Variants in IL36B observed in about 807,000 individuals in gnomAD.
IL36B encodes the protein interleukin-36 beta.
A neutral mutation model predicts 19.3 loss-of-function variants in IL36B; 23 were observed. The ratio of observed to expected loss-of-function variants is 1.19; its 90% CI spans 0.86 to 1.69. The LOEUF (loss-of-function observed/expected upper bound fraction) is 1.69, where lower values mean the gene tolerates loss of function less well. IL36B is among the 40% of genes most tolerant of loss of function. The pLI, the probability that IL36B is intolerant of heterozygous loss-of-function variation, is 0.00. For missense variants in IL36B, 217 were observed against 200.5 expected, an observed-to-expected ratio of 1.08 and a Z score of -0.50; for synonymous variants, 59 against 59.7, an observed-to-expected ratio of 0.99 and a Z score of 0.05.
At chr2:113,034,594 C>T (rs11883847) in intron 1 of IL36B, among the ~76,000 whole-genome samples, 12,484 of 152,162 alleles carry the variant, frequency 0.082, 581 homozygotes, top group African/African-American at 0.095. Flanking sequence ...AGGAATGGTG[C>T]GGACCTCTTA....
intron 1 of IL36B, among the ~76,000 whole-genome samples, chr2:113,042,049 A>G (rs1685267209): frequency 1.3e-5 from 2 of 152,232 alleles, no homozygotes; most frequent in Non-Finnish European, 2.9e-5. Flanking sequence ...GAAAGAGAGC[A>G]GGACTTCACC....
chr2:113,025,810 A>G (rs937253787), intron 5 of IL36B, among the ~76,000 whole-genome samples: 1 of 152,182 alleles, frequency 6.6e-6, no homozygotes, highest in Non-Finnish European at 1.5e-5. Context: ...GCTAGTTGAG[A>G]AAAGAAGTTG....
intron 3 of IL36B, 133 bp downstream of exon 3, chr2:113,030,915 G>A (rs943838814): frequency 4.5e-6 from 3 of 660,882 alleles, no homozygotes; most frequent in South Asian, 1.7e-5. Flanking sequence ...TTTCTCACTT[G>A]ACCTTCCTGT....
chr2:113,037,575 G>C (rs1025648772), intron 1 of IL36B, among the ~76,000 whole-genome samples: 1 of 152,032 alleles, frequency 6.6e-6, no homozygotes, highest in Non-Finnish European at 1.5e-5. Context: ...CTTGAACCCA[G>C]GAGGCGGAGG....
chr2:113,050,477 A>T (rs34466405), intron 1 of IL36B, among the ~76,000 whole-genome samples: 14,157 of 152,162 alleles, frequency 0.093, 802 homozygotes, highest in African/African-American at 0.14. Context: ...ATTGTTTTGT[A>T]GGTACAAAAT....
intron 1 of IL36B, among the ~76,000 whole-genome samples, chr2:113,041,155 ACAC>A: frequency 8.8e-6 from 1 of 113,394 alleles, no homozygotes; most frequent in Admixed American, 9.5e-5. Flanking sequence ...AGACTTTGCC[ACAC>A]ACAAAAAAAA....
At chr2:113,029,873 G>A (rs377507334) in intron 3 of IL36B, among the ~76,000 whole-genome samples, 76 of 152,292 alleles carry the variant, frequency 5.0e-4, no homozygotes, top group African/African-American at 1.8e-3. Flanking sequence ...CAGAGACAAA[G>A]GAGAGTCATA....
intron 1 of IL36B, among the ~76,000 whole-genome samples, chr2:113,035,764 T>C (rs566011168): frequency 1.3e-5 from 2 of 152,272 alleles, no homozygotes; most frequent in South Asian, 2.1e-4. Context: ...CATGGAATAA[T>C]GGCTTCACCC....
chr2:113,033,497 C>T (rs1187112251), intron 1 of IL36B, among the ~76,000 whole-genome samples: 4 of 152,178 alleles, frequency 2.6e-5, no homozygotes, highest in African/African-American at 9.7e-5. Context: ...CCTCGGCCTC[C>T]CAAAGTACTA....
chr2:113,030,290 T>C (rs184850872), intron 3 of IL36B, among the ~76,000 whole-genome samples: 1 of 151,414 alleles, frequency 6.6e-6, no homozygotes, highest in Non-Finnish European at 1.5e-5. Flanking sequence ...ATTACACTAG[T>C]GAGCTAAGGG....
At chr2:113,040,950 G>A (rs1685245580) in intron 1 of IL36B, among the ~76,000 whole-genome samples, 1 of 152,152 alleles carries the variant, frequency 6.6e-6, no homozygotes, top group Non-Finnish European at 1.5e-5. Context: ...GAGCTCAGGA[G>A]TTTGTGACCA....
At chr2:113,022,894 A>G in intron 5 of IL36B, 1 of 659,380 alleles carries the variant, frequency 1.5e-6, no homozygotes. Context: ...AGGAGATTGG[A>G]GTTTGCCTTC....
intron 1 of IL36B, among the ~76,000 whole-genome samples, chr2:113,032,576 G>C (rs571172778): frequency 1.3e-5 from 2 of 152,310 alleles, no homozygotes; most frequent in Admixed American, 1.3e-4. Context: ...CCTTTGACAA[G>C]ACTCCCAGAG....
intron 1 of IL36B, among the ~76,000 whole-genome samples, 160 bp from the exon 2 acceptor site, chr2:113,031,926 C>G (rs1008162132): frequency 6.6e-5 from 10 of 152,288 alleles, no homozygotes; most frequent in African/African-American, 1.4e-4. Context: ...CAGGACATTT[C>G]AAGGCCAGAA....
intron 5 of IL36B, chr2:113,022,804 G>T: frequency 6.9e-7 from 1 of 1,458,440 alleles, no homozygotes; most frequent in Non-Finnish European, 9.6e-7. Flanking sequence ...GTATCTCCTA[G>T]GCTTAGCAAG....
rs183696057 is a variant in IL36B at position 113,031,409 on chromosome 2, G to T, written c.14-254C>A. ...GGCTATTAGTGACTTGTCTTTTTCCGAATGATAAAATGTCTAGGTGGTAAA... is the reference window on the plus strand; with the variant it reads ...GGCTATTAGTGACTTGTCTTTTTCCTAATGATAAAATGTCTAGGTGGTAAA... On this transcript the variant is annotated intron_variant, in intron 2 of 5. Transcript: ENST00000259213. Among the ~76,000 whole-genome samples the T allele has an allele frequency of 7.9e-5, 12 of 151,982 alleles. No homozygotes were observed. In the East Asian group the frequency reaches 9.7e-4, roughly 12 times the overall value.
intron 5 of IL36B, among the ~76,000 whole-genome samples, chr2:113,024,280 G>GA (rs1003982273): frequency 3.3e-5 from 5 of 151,748 alleles, no homozygotes; most frequent in African/African-American, 2.4e-5. Context: ...TCATAGGCTG[G>GA]AAAAAAAAGG....
chr2:113,022,461 T>C lies in IL36B; in HGVS notation c.*213A>G, dbSNP rs572732343. 8 of 465,278 alleles carry C rather than the reference T, an allele frequency of 1.7e-5. No individual in the cohort carries two copies. The highest frequency in any genetic ancestry group is 1.2e-4 in the African/African-American group (6 of 50,228). 28.8% of individuals were successfully genotyped at this position (465,278 alleles called of 1,614,324 possible). A position where few individuals can be genotyped will look rare whatever the true frequency, so the allele number is the denominator to read the frequency against. On this transcript the variant is annotated 3_prime_UTR_variant, in exon 6 of 6. Coordinates refer to ENST00000259213, the MANE Select transcript of IL36B (RefSeq NM_014438.5). Reference sequence around the variant, plus strand: ...GGACAAAACACATTTACAGGTTATGTAGTCCAAATCTACTCCTAAAAAGAC... The same window carrying C: ...GGACAAAACACATTTACAGGTTATGCAGTCCAAATCTACTCCTAAAAAGAC...
At chr2:113,039,537 T>C (rs1558835421) in intron 1 of IL36B, among the ~76,000 whole-genome samples, 2 of 152,080 alleles carry the variant, frequency 1.3e-5, no homozygotes, top group South Asian at 4.1e-4. Context: ...ATTAAATTAA[T>C]GGAGAGTATA....
Sources: allele counts gnomAD v4.1 joint callset (sites outside exome capture counted in the v4.1 genomes callset), GRCh38; gene constraint gnomAD v4.1.1; transcripts MANE v1.5; gene names NCBI Gene and HGNC (gene_info 2026-07-23, HGNC 2026-07-21).